The following WWOX variants were observed in gnomAD, a reference collection of about 807,000 sequenced individuals.
The protein encoded by WWOX is WW domain-containing oxidoreductase.
WWOX carries 69 observed loss-of-function variants against 46.2 expected under a neutral mutation model. The ratio of observed to expected loss-of-function variants is 1.49; its 90% CI spans 1.23 to 1.82. WWOX has a LOEUF of 1.82. Ranked by LOEUF, WWOX falls within the 40% of genes most tolerant of loss-of-function variation. The pLI, the probability that WWOX is intolerant of heterozygous loss-of-function variation, is 0.00. For missense variants in WWOX, 919 were observed against 542.6 expected (o/e 1.69, Z -6.89); for synonymous variants, 359 against 202.6 (o/e 1.77, Z -6.56).
intron 4 of WWOX, among the ~76,000 whole-genome samples, chr16:78,118,187 A>T: frequency 6.6e-6 from 1 of 151,950 alleles, no homozygotes; most frequent in East Asian, 1.9e-4. Context: ...AGTGGCCTCT[A>T]AGCAAACTCT....
intron 8 of WWOX, among the ~76,000 whole-genome samples, chr16:79,103,871 CTG>C (rs2049252214): frequency 6.6e-6 from 1 of 152,124 alleles, no homozygotes; most frequent in African/African-American, 2.4e-5. Flanking sequence ...TAGATACACT[CTG>C]TAGGACAAAC....
intron 8 of WWOX, among the ~76,000 whole-genome samples, chr16:79,197,191 G>T (rs527683330): frequency 6.6e-6 from 1 of 152,092 alleles, no homozygotes; most frequent in Non-Finnish European, 1.5e-5. Context: ...GCTGGTTTGG[G>T]TTTATACATT....
At chr16:78,156,587 T>G (rs1033697900) in intron 4 of WWOX, among the ~76,000 whole-genome samples, 2 of 152,072 alleles carry the variant, frequency 1.3e-5, no homozygotes, top group Non-Finnish European at 1.5e-5. Flanking sequence ...ATACGGAGAT[T>G]GGAGGGTGTA....
chr16:79,120,317 G>T (rs780008864), intron 8 of WWOX, among the ~76,000 whole-genome samples: 18 of 152,148 alleles, frequency 1.2e-4, no homozygotes, highest in Non-Finnish European at 2.1e-4. Flanking sequence ...TCAAGCTATT[G>T]CTGTCAGGCG....
At chr16:78,633,431 G>C (rs1233355367) in intron 8 of WWOX, among the ~76,000 whole-genome samples, 2 of 152,174 alleles carry the variant, frequency 1.3e-5, no homozygotes, top group Non-Finnish European at 2.9e-5. Context: ...TCAAGCCTGA[G>C]CAGGTGATAC....
intron 8 of WWOX, among the ~76,000 whole-genome samples, chr16:78,662,087 T>C (rs1399552104): frequency 6.6e-6 from 1 of 151,954 alleles, no homozygotes; most frequent in Non-Finnish European, 1.5e-5. Flanking sequence ...GTGGTGGTGG[T>C]GGTGGTAGTA....
At chr16:78,757,686 A>G (rs922581787) in intron 8 of WWOX, among the ~76,000 whole-genome samples, 3 of 151,764 alleles carry the variant, frequency 2.0e-5, no homozygotes, top group Admixed American at 2.0e-4. Flanking sequence ...TCACATAAAC[A>G]CATTTTATTT....
intron 8 of WWOX, among the ~76,000 whole-genome samples, chr16:79,002,426 G>A (rs934938520): frequency 2.9e-4 from 44 of 152,022 alleles, no homozygotes; most frequent in African/African-American, 1.1e-3. Flanking sequence ...GTTTTGACAT[G>A]TTGCCAGGCT....
At chr16:78,726,475 T>G (rs1277919539) in intron 8 of WWOX, among the ~76,000 whole-genome samples, 3 of 152,006 alleles carry the variant, frequency 2.0e-5, no homozygotes, top group Non-Finnish European at 4.4e-5. Flanking sequence ...CTCAAGGGAT[T>G]CTCCTCCCTC....
intron 5 of WWOX, among the ~76,000 whole-genome samples, chr16:78,223,800 G>A (rs1015788180): frequency 6.6e-6 from 1 of 152,084 alleles, no homozygotes; most frequent in Non-Finnish European, 1.5e-5. Context: ...GCGTAATGGC[G>A]GAGTTTCCAA....
rs567545825 is a variant in WWOX at position 78,758,926 on chromosome 16, A to G, written c.1056+326174A>G. 3.4e-4 allele frequency among the ~76,000 whole-genome samples: 51 copies of G among 149,242 alleles called. 1 individual carries two copies. The highest frequency in any genetic ancestry group is 1.1e-3 in the African/African-American group (46 of 40,200). ...CATTTTATATTTTGCATTAAAAAAA[A>G]CCACAAAAGACAAAAAAAAAAAAAA... On this transcript the variant is annotated intron_variant, in intron 8 of 8. Transcript: ENST00000566780.
At chr16:78,103,639 G>A (rs58249547) in intron 1 of WWOX, among the ~76,000 whole-genome samples, 7,787 of 152,044 alleles carry the variant, frequency 0.051, 297 homozygotes, top group African/African-American at 0.11. Flanking sequence ...TAATTTTTGC[G>A]CTGGCTCCAA....
intron 8 of WWOX, among the ~76,000 whole-genome samples, chr16:79,001,665 T>C (rs1280327756): frequency 6.8e-6 from 1 of 146,542 alleles, no homozygotes; most frequent in Non-Finnish European, 1.5e-5. Context: ...AAGGAGCTGG[T>C]GGCAGGGGGA....
intron 5 of WWOX, among the ~76,000 whole-genome samples, chr16:78,242,952 G>T (rs1002094489): frequency 2.6e-5 from 4 of 151,678 alleles, no homozygotes; most frequent in African/African-American, 9.7e-5. Flanking sequence ...AGGTTGCAGT[G>T]AACTGAGATC....
intron 8 of WWOX, among the ~76,000 whole-genome samples, chr16:79,150,184 T>A (rs1260461746): frequency 1.3e-5 from 2 of 152,194 alleles, no homozygotes; most frequent in Non-Finnish European, 2.9e-5. Flanking sequence ...AAACTCTTCT[T>A]GTTAGAGGTA....
chr16:78,919,476 C>T (rs1032420681), intron 8 of WWOX, among the ~76,000 whole-genome samples: 2 of 151,896 alleles, frequency 1.3e-5, no homozygotes, highest in Middle Eastern at 6.8e-3. Context: ...AGCAATCAGT[C>T]CCCTTAAGTG....
chr16:78,607,558 A>G (rs542642648), intron 8 of WWOX, among the ~76,000 whole-genome samples: 5 of 152,270 alleles, frequency 3.3e-5, no homozygotes, highest in Admixed American at 6.5e-5. Flanking sequence ...TAGAGTGTGA[A>G]CTGTTGTCTT....
intron 8 of WWOX, among the ~76,000 whole-genome samples, chr16:78,538,782 C>A (rs994074551): frequency 1.3e-5 from 2 of 152,200 alleles, no homozygotes; most frequent in Admixed American, 6.5e-5. Flanking sequence ...CTTTCTGCTA[C>A]CTTCCTAAAA....
chr16:78,907,015 A>T lies in WWOX; in HGVS notation c.1057-304593A>T, dbSNP rs77769136. Among the ~76,000 whole-genome samples, 84 of 152,328 alleles carry T rather than the reference A, an allele frequency of 5.5e-4. No homozygotes were observed. In the East Asian group the frequency reaches 0.016, roughly 29 times the overall value. ...GCCCAGATAAAGCCGATTTATCTAG[A>T]CAGGGGAATTGCAATAGGGAAAGAG... is the stretch of plus-strand genomic sequence containing the variant. On this transcript the variant is annotated intron_variant, in intron 8 of 8. Coordinates refer to ENST00000566780, the MANE Select transcript of WWOX (RefSeq NM_016373.4).
Sources: gnomAD v4.1 joint callset for allele counts (sites outside exome capture counted in the v4.1 genomes callset) on GRCh38, gnomAD v4.1.1 for gene constraint, MANE v1.5 for transcripts, NCBI Gene and HGNC (gene_info 2026-07-23, HGNC 2026-07-21) for gene names.